PRDX6: variants seen among roughly 807,000 people sequenced by gnomAD.
PRDX6 encodes the protein peroxiredoxin 6.
In PRDX6, 13 loss-of-function variants were observed where a neutral mutation model predicts 20.0. The ratio of observed to expected loss-of-function variants is 0.65; its 90% CI spans 0.42 to 1.03. The LOEUF is 1.03. Among genes scored for constraint, PRDX6 ranks in the 50% least tolerant of loss-of-function variants. The probability of loss-of-function intolerance (pLI) is 0.00; values close to 1 mark genes in which losing one functional copy is unlikely to be tolerated. For synonymous variants in PRDX6, 85 were observed against 100.8 expected, an observed-to-expected ratio of 0.84 and a Z score of 0.94; for missense variants, 203 against 276.9, an observed-to-expected ratio of 0.73 and a Z score of 1.89.
Position 173,485,379 on chromosome 1 carries a change from T to C in PRDX6, c.271T>C (p.Cys91Arg). 1.2e-6 allele frequency: 2 copies of C among 1,601,782 alleles called. No individual in the cohort carries two copies. Among genetic ancestry groups the C allele is most frequent in the Non-Finnish European group, 1.7e-6 (2 of 1,173,802 alleles). Residue 91 changes from cysteine (C) to arginine (R), a missense_variant, in exon 3 of 5, where the codon TGT (cysteine) becomes CGT (arginine). Cys to Arg is a radical substitution (Grantham distance 180). Coordinates refer to ENST00000340385, the MANE Select transcript of PRDX6 (RefSeq NM_004905.3). Reference protein sequence around the residue: ...AWSKDINAYNCEEPTEKLPFP... With the variant: ...AWSKDINAYNREEPTEKLPFP... ...GTTTCAGGATATCAATGCTTACAAT[T>C]GTGAAGAGCCCACAGAAAAGTTACC...
At chr1:173,478,941 C>T (rs1054218349) in intron 1 of PRDX6, among the ~76,000 whole-genome samples, 5 of 151,584 alleles carry the variant, frequency 3.3e-5, no homozygotes, top group Non-Finnish European at 7.4e-5. Context: ...TATGGCCATT[C>T]TTATACTTAG....
In PRDX6 at chr1:173,477,346, A is replaced by C. The variant is rs1571393921; in HGVS notation, c.-52A>C. 7.6e-7 allele frequency: 1 copy of C among 1,312,054 alleles called. No homozygotes were observed. Among genetic ancestry groups the C allele is most frequent in the Non-Finnish European group, 1.0e-6 (1 of 966,192 alleles). The allele number at this position is 1,312,054 out of a possible 1,614,324, so 81.3% of individuals were successfully genotyped here. A position where few individuals can be genotyped will look rare whatever the true frequency, so the allele number is the denominator to read the frequency against. On this transcript the variant is annotated 5_prime_UTR_variant, in exon 1 of 5. Transcript: ENST00000340385. ...CGCTGGGACAGGCTGCTTCTTCGCC[A>C]GAACCAACCGGTTGCTTGCTGTCCC...
chr1:173,488,007 G>A lies in PRDX6; in HGVS notation c.*144G>A. ...ACCAATGGCTTATTAAATGAAAATG[G>A]CACTAAAAGTTTCTTGAGATTCTTT... is the stretch of plus-strand genomic sequence containing the variant. On this transcript the variant is annotated 3_prime_UTR_variant, in exon 5 of 5. Coordinates refer to ENST00000340385, the MANE Select transcript of PRDX6 (RefSeq NM_004905.3). The A allele has an allele frequency of 1.0e-6, 1 of 971,450 alleles. No homozygotes were observed. The highest frequency in any genetic ancestry group is 1.5e-6 in the Non-Finnish European group (1 of 671,950). The allele number at this position is 971,450 out of a possible 1,614,324, so 60.2% of individuals were successfully genotyped here.
rs753472106 is a variant in PRDX6, at chr1:173,487,731, A to G, written c.547-4A>G. On this transcript the variant is annotated splice_region_variant and splice_polypyrimidine_tract_variant and intron_variant, in intron 4 of 4. Coordinates refer to ENST00000340385, the MANE Select transcript of PRDX6 (RefSeq NM_004905.3). ...ATTTCACCATTCTCAATGTCTTTCAATAGGATGGGGATAGTGTGATGGTCC... is the reference window on the plus strand; with the variant it reads ...ATTTCACCATTCTCAATGTCTTTCAGTAGGATGGGGATAGTGTGATGGTCC... 3.1e-6 allele frequency: 5 copies of G among 1,613,764 alleles called. No individual in the cohort carries two copies. The highest frequency in any genetic ancestry group is 3.4e-6 in the Non-Finnish European group (4 of 1,179,868).
At chr1:173,481,110 A>T (rs1658793213) in intron 1 of PRDX6, 5 of 513,656 alleles carry the variant, frequency 9.7e-6, no homozygotes, top group Non-Finnish European at 1.7e-5. Flanking sequence ...CTTGAATTTC[A>T]TGTCTTTGAT....
chr1:173,487,633 A>T, intron 4 of PRDX6, 102 bp from the exon 5 acceptor site: 1 of 1,277,572 alleles, frequency 7.8e-7, no homozygotes, highest in Non-Finnish European at 1.1e-6. Flanking sequence ...ACACTTGATT[A>T]GTCTCATTAG....
At chr1:173,485,595 G>C in intron 3 of PRDX6, 88 bp downstream of exon 3, 1 of 1,200,054 alleles carries the variant, frequency 8.3e-7, no homozygotes, top group East Asian at 2.7e-5. Context: ...AGGAGATAGG[G>C]GAATATCTAC....
At chr1:173,478,734 C>T (rs1347888063) in intron 1 of PRDX6, among the ~76,000 whole-genome samples, 1 of 152,148 alleles carries the variant, frequency 6.6e-6, no homozygotes, top group East Asian at 1.9e-4. Context: ...AGTGATTGGA[C>T]AGGGCTGTGC....
At chr1:173,487,647 C>T in intron 4 of PRDX6, 88 bp from the exon 5 acceptor site, 1 of 1,455,684 alleles carries the variant, frequency 6.9e-7, no homozygotes, top group Non-Finnish European at 9.5e-7. Flanking sequence ...TCATTAGCAC[C>T]TGTAGCTACT....
intron 2 of PRDX6, among the ~76,000 whole-genome samples, chr1:173,484,125 A>C (rs1479381678): frequency 8.0e-6 from 1 of 125,732 alleles, no homozygotes; most frequent in African/African-American, 4.2e-5. Flanking sequence ...TCAAAAAAAA[A>C]AAAAAAAAAA....
At chr1:173,481,188 G>T in intron 1 of PRDX6, 138 bp from the exon 2 acceptor site, 1 of 866,328 alleles carries the variant, frequency 1.2e-6, no homozygotes. Context: ...CAACAGAAAA[G>T]CTTAAAAGTA....
chr1:173,482,392 G>A (rs1354412423), intron 2 of PRDX6, among the ~76,000 whole-genome samples: 1 of 152,190 alleles, frequency 6.6e-6, no homozygotes, highest in African/African-American at 2.4e-5. Context: ...TCCTAGTAGA[G>A]TATAAACTCA....
intron 2 of PRDX6, among the ~76,000 whole-genome samples, chr1:173,482,296 T>C (rs1256964415): frequency 6.6e-6 from 1 of 152,214 alleles, no homozygotes; most frequent in East Asian, 1.9e-4. Context: ...CTTGTCCTCA[T>C]TATCTAAAAT....
At chr1:173,486,641 G>T (rs1658904162) in intron 4 of PRDX6, among the ~76,000 whole-genome samples, 1 of 151,970 alleles carries the variant, frequency 6.6e-6, no homozygotes, top group South Asian at 2.1e-4. Flanking sequence ...AAAATTATTG[G>T]TCAGAATGAT....
intron 4 of PRDX6, 46 bp downstream of exon 4, chr1:173,486,447 CA>C: frequency 6.4e-7 from 1 of 1,566,896 alleles, no homozygotes; most frequent in Non-Finnish European, 8.7e-7. Flanking sequence ...CCTGAAGGGC[CA>C]GTCTCTAAAT....
At chr1:173,479,833 C>A (rs1263492461) in intron 1 of PRDX6, among the ~76,000 whole-genome samples, 1 of 152,142 alleles carries the variant, frequency 6.6e-6, no homozygotes, top group South Asian at 2.1e-4. Context: ...GAGGGAAGGA[C>A]GTGAACTGGC....
At chr1:173,478,079 T>C (rs1035352324) in intron 1 of PRDX6, among the ~76,000 whole-genome samples, 4 of 152,210 alleles carry the variant, frequency 2.6e-5, no homozygotes, top group African/African-American at 9.6e-5. Flanking sequence ...TGCAGTGGTA[T>C]TTGCAGGCTT....
Position 173,477,351 on chromosome 1 carries a change from C to T in PRDX6, c.-47C>T, listed in dbSNP as rs1184134210. 4.0e-6 allele frequency: 6 copies of T among 1,495,784 alleles called. No individual in the cohort carries two copies. Among genetic ancestry groups the T allele is most frequent in the Non-Finnish European group, 2.8e-6 (3 of 1,085,666 alleles). 92.7% of individuals were successfully genotyped at this position (1,495,784 alleles called of 1,614,324 possible). On this transcript the variant is annotated 5_prime_UTR_variant, in exon 1 of 5. Coordinates refer to ENST00000340385, the MANE Select transcript of PRDX6 (RefSeq NM_004905.3). ...GGACAGGCTGCTTCTTCGCCAGAAC[C>T]AACCGGTTGCTTGCTGTCCCAGCGG...
intron 3 of PRDX6, 92 bp downstream of exon 3, chr1:173,485,599 T>G: frequency 8.7e-7 from 1 of 1,144,514 alleles, no homozygotes; most frequent in Non-Finnish European, 1.2e-6. Flanking sequence ...GATAGGGGAA[T>G]ATCTACGATT....
Sources: gnomAD v4.1 joint callset for allele counts (sites outside exome capture counted in the v4.1 genomes callset) on GRCh38, gnomAD v4.1.1 for gene constraint, MANE v1.5 for transcripts, NCBI Gene and HGNC (gene_info 2026-07-23, HGNC 2026-07-21) for gene names.